The following EPHA5 variants were observed in gnomAD, a reference collection of about 807,000 sequenced individuals.
The protein encoded by EPHA5 is EPH receptor A5.
EPHA5 carries 60 observed loss-of-function variants against 105.0 expected under a neutral mutation model. That is an observed-to-expected ratio of 0.57 (90% CI 0.46 to 0.71). The LOEUF is 0.71. EPHA5 is among the 30% of genes least tolerant of loss of function. The probability of loss-of-function intolerance (pLI) is 0.00; values close to 1 mark genes in which losing one functional copy is unlikely to be tolerated. For missense variants in EPHA5, 1,218 were observed against 1,274.7 expected, an observed-to-expected ratio of 0.96 and a Z score of 0.68; for synonymous variants, 513 against 449.1, an observed-to-expected ratio of 1.14 and a Z score of -1.80.
At chr4:65,667,797 C>T (rs996833715) in intron 1 of EPHA5, among the ~76,000 whole-genome samples, 2 of 152,148 alleles carry the variant, frequency 1.3e-5, no homozygotes, top group Non-Finnish European at 2.9e-5. Flanking sequence ...TTCCATCACA[C>T]CTGGAGAGAG....
intron 2 of EPHA5, among the ~76,000 whole-genome samples, chr4:65,610,197 C>A: frequency 6.6e-6 from 1 of 151,932 alleles, no homozygotes; most frequent in East Asian, 1.9e-4. Context: ...TAATACACAA[C>A]CATTAAAAAG....
At chr4:65,476,479 G>T (rs896721014) in intron 5 of EPHA5, among the ~76,000 whole-genome samples, 4 of 152,100 alleles carry the variant, frequency 2.6e-5, no homozygotes, top group Non-Finnish European at 5.9e-5. Context: ...AATTAATGCG[G>T]AACAGAAAAC....
At chr4:65,501,686 A>G (rs371149954) in intron 3 of EPHA5, among the ~76,000 whole-genome samples, 4 of 151,806 alleles carry the variant, frequency 2.6e-5, no homozygotes, top group East Asian at 3.9e-4. Context: ...ACGCAAACCA[A>G]TGTACAGATT....
At chr4:65,451,587 G>A (rs2149108071) in intron 5 of EPHA5, among the ~76,000 whole-genome samples, 1 of 152,240 alleles carries the variant, frequency 6.6e-6, no homozygotes, top group Non-Finnish European at 1.5e-5. Flanking sequence ...ATGTCCTTGA[G>A]CAGGGTAAAG....
intron 2 of EPHA5, among the ~76,000 whole-genome samples, chr4:65,615,604 C>T (rs1375842730): frequency 2.6e-5 from 4 of 151,862 alleles, no homozygotes; most frequent in Non-Finnish European, 1.5e-5. Flanking sequence ...AAACACAAAT[C>T]GCTGAGAAAG....
intron 3 of EPHA5, among the ~76,000 whole-genome samples, chr4:65,516,816 T>C (rs1477849103): frequency 6.6e-6 from 1 of 152,134 alleles, no homozygotes; most frequent in Non-Finnish European, 1.5e-5. Flanking sequence ...AGTGGTATTG[T>C]TGATTTCAAA....
intron 3 of EPHA5, among the ~76,000 whole-genome samples, chr4:65,503,090 A>G (rs1732655556): frequency 1.3e-5 from 2 of 151,714 alleles, no homozygotes; most frequent in South Asian, 4.2e-4. Flanking sequence ...AAAGATGGCA[A>G]CAATAGACTC....
In EPHA5 at chr4:65,323,924, A is replaced by AC. The variant is rs1719834951; in HGVS notation, c.*189_*190insG. ...GCAAGATATGTTTGCTTCATGAAAAATGAAGACTAAGGACTAAGAACTGGA... is the reference window on the plus strand; with the variant it reads ...GCAAGATATGTTTGCTTCATGAAAAACTGAAGACTAAGGACTAAGAACTGGA... On this transcript the variant is annotated 3_prime_UTR_variant, in exon 17 of 17. Transcript: ENST00000613740. 1 of 447,388 alleles carries AC rather than the reference A, an allele frequency of 2.2e-6. No homozygotes were observed. Among genetic ancestry groups the AC allele is most frequent in the Non-Finnish European group, 4.0e-6 (1 of 249,050 alleles). The allele number at this position is 447,388 out of a possible 1,614,324, so 27.7% of individuals were successfully genotyped here.
At chr4:65,400,495 A>G (rs1721709331) in intron 8 of EPHA5, among the ~76,000 whole-genome samples, 1 of 152,122 alleles carries the variant, frequency 6.6e-6, no homozygotes. Context: ...AAGAATTCTA[A>G]CATGTTATAC....
chr4:65,506,877 G>C (rs1416433556), intron 3 of EPHA5, among the ~76,000 whole-genome samples: 3 of 152,086 alleles, frequency 2.0e-5, no homozygotes, highest in African/African-American at 7.2e-5. Flanking sequence ...GATCCCATTT[G>C]TCAATTTTGG....
At position 65,496,949 on chromosome 4, in the gene EPHA5, G is replaced by A. The variant is rs145600642; in HGVS notation, c.911-1406C>T. 3.5e-4 allele frequency among the ~76,000 whole-genome samples: 53 copies of A among 152,198 alleles called. 1 individual carries two copies. The East Asian group carries it at 4.6e-3, about 13-fold the overall frequency. On this transcript the variant is annotated intron_variant, in intron 3 of 16. Coordinates refer to ENST00000613740, the MANE Select transcript of EPHA5 (RefSeq NM_001281766.3). ...TCTAAGCTTATCATCAGGTAAATGCGCATGAAGTAAATCTTTTTATTCTGT... is the reference window on the plus strand; with the variant it reads ...TCTAAGCTTATCATCAGGTAAATGCACATGAAGTAAATCTTTTTATTCTGT...
intron 15 of EPHA5, among the ~76,000 whole-genome samples, chr4:65,332,799 A>G (rs1560418809): frequency 6.6e-6 from 1 of 151,926 alleles, no homozygotes; most frequent in African/African-American, 2.4e-5. Context: ...GCTACCCACT[A>G]TAGCTATGTG....
rs1743803792 is a variant in EPHA5, at chr4:65,602,170, G to A, written c.381C>T (p.Phe127=). 2 of 1,614,020 alleles carry A rather than the reference G, an allele frequency of 1.2e-6. No individual in the cohort carries two copies. Reference sequence around the variant, plus strand: ...CCCGCAGGGTAAATTTGAGTTCTATGAAGATTCTGGAAGCACCTTCATTGG... The same window carrying A: ...CCCGCAGGGTAAATTTGAGTTCTATAAAGATTCTGGAAGCACCTTCATTGG... The part of the protein sequence containing the change: ...WISNEGASRI[F]IELKFTLRDC... The change falls in exon 3 of 17, where the codon TTC becomes TTT. Residue 127 remains phenylalanine (F), a synonymous_variant. Transcript: ENST00000613740.
At chr4:65,625,665 G>A (rs554266615) in intron 2 of EPHA5, among the ~76,000 whole-genome samples, 4 of 152,136 alleles carry the variant, frequency 2.6e-5, no homozygotes, top group Non-Finnish European at 5.9e-5. Flanking sequence ...CACTGTGGTT[G>A]TAGTTATGAT....
chr4:65,617,965 G>T (rs1469127720), intron 2 of EPHA5, among the ~76,000 whole-genome samples: 2 of 152,110 alleles, frequency 1.3e-5, no homozygotes, highest in African/African-American at 4.8e-5. Context: ...ATAAATAAAA[G>T]TAGGGTTTAT....
intron 3 of EPHA5, among the ~76,000 whole-genome samples, chr4:65,526,889 A>C (rs1735286117): frequency 6.6e-6 from 1 of 152,010 alleles, no homozygotes; most frequent in Admixed American, 6.6e-5. Flanking sequence ...CTTAGTGATA[A>C]ATTTCCAAAT....
intron 8 of EPHA5, among the ~76,000 whole-genome samples, chr4:65,390,463 T>A (rs192973780): frequency 6.6e-6 from 1 of 152,138 alleles, no homozygotes; most frequent in East Asian, 1.9e-4. Flanking sequence ...TGGCCCTGCA[T>A]GACATGCCAT....
In EPHA5 at chr4:65,336,141, C is replaced by T. The variant is rs2148814286; in HGVS notation, c.2596-16G>A. 2 of 1,577,386 alleles carry T rather than the reference C, an allele frequency of 1.3e-6. No homozygotes were observed. Among genetic ancestry groups the T allele is most frequent in the Non-Finnish European group, 1.7e-6 (2 of 1,160,818 alleles). On this transcript the variant is annotated splice_polypyrimidine_tract_variant and intron_variant, in intron 14 of 16. Coordinates refer to ENST00000613740, the MANE Select transcript of EPHA5 (RefSeq NM_001281766.3). ...CTTTAATCACCTGTATAAAGCAAAA[C>T]AGAACCAGCACCCCAACACCACAAA... is the stretch of plus-strand genomic sequence containing the variant.
intron 5 of EPHA5, among the ~76,000 whole-genome samples, chr4:65,483,945 G>T (rs150432088): frequency 6.6e-6 from 1 of 152,014 alleles, no homozygotes; most frequent in African/African-American, 2.4e-5. Flanking sequence ...GAAGAAAAAA[G>T]GCTGGTGCTT....
Sources: gnomAD v4.1 joint callset for allele counts (sites outside exome capture counted in the v4.1 genomes callset) on GRCh38, gnomAD v4.1.1 for gene constraint, MANE v1.5 for transcripts, NCBI Gene and HGNC (gene_info 2026-07-23, HGNC 2026-07-21) for gene names.